The following SYPL2 variants were observed in gnomAD, a reference collection of about 807,000 sequenced individuals.
SYPL2 encodes the protein synaptophysin-like protein 2.
SYPL2 carries 24 observed loss-of-function variants against 31.3 expected under a neutral mutation model. The observed-to-expected ratio is 0.77, with a 90% CI of 0.56 to 1.08. The LOEUF is 1.08. Ranked by LOEUF, SYPL2 falls within the 50% of genes least tolerant of loss-of-function variation. The pLI is 0.00. For missense variants in SYPL2, 342 were observed against 360.1 expected, an observed-to-expected ratio of 0.95 and a Z score of 0.41; for synonymous variants, 144 against 143.1, an observed-to-expected ratio of 1.01 and a Z score of -0.05.
rs1656131921 is a variant in SYPL2, at chr1:109,480,499, G to A, written c.*951G>A. 1 of 152,246 alleles carries A rather than the reference G, an allele frequency of 6.6e-6. No homozygotes were observed. Among genetic ancestry groups the A allele is most frequent in the African/African-American group, 2.4e-5 (1 of 41,406 alleles). 9.4% of individuals were successfully genotyped at this position (152,246 alleles called of 1,614,324 possible). ...ATCTGAGGCATTTGAGATCCTTTTT[G>A]AAGTCTGTCCAGGCCTTCCTTTTAT... On this transcript the variant is annotated 3_prime_UTR_variant, in exon 6 of 6. Coordinates refer to ENST00000369872, the MANE Select transcript of SYPL2 (RefSeq NM_001040709.2).
intron 2 of SYPL2, among the ~76,000 whole-genome samples, chr1:109,473,713 A>G (rs1239051370): frequency 6.6e-6 from 1 of 152,154 alleles, no homozygotes; most frequent in Non-Finnish European, 1.5e-5. Context: ...TAACACGGTG[A>G]AAACCCGTCT....
At chr1:109,473,127 G>GAGGAAT (rs1655883576) in intron 2 of SYPL2, among the ~76,000 whole-genome samples, 1 of 152,156 alleles carries the variant, frequency 6.6e-6, no homozygotes. Context: ...CTATGAGGAA[G>GAGGAAT]AGTTAGAGAA....
At position 109,479,398 on chromosome 1, in the gene SYPL2, C is replaced by T. The variant is rs1656097900; in HGVS notation, c.669C>T (p.Phe223=). ...NISVLFGFIN[F]FLWAGNCWFV... ...TGCAGCTCTTTGGCTTTATCAACTT[C>T]TTCCTGTGGGCCGGGAACTGTTGGT... Residue 223 remains phenylalanine, a synonymous_variant, in exon 6 of 6, where the codon TTC becomes TTT. Transcript: ENST00000369872. The T allele has an allele frequency of 6.2e-7, 1 of 1,614,042 alleles. No individual in the cohort carries two copies. Among genetic ancestry groups the T allele is most frequent in the African/African-American group, 1.3e-5 (1 of 74,932 alleles).
chr1:109,479,476 C>T lies in SYPL2; in HGVS notation c.747C>T (p.Asp249=), dbSNP rs1478902816. ...GACAGGGCCAGGGCCAGGACCAGGA[C>T]CAGGACCAGGACCAGGGCCAGGGTC... is the stretch of plus-strand genomic sequence containing the variant. The part of the protein sequence containing the change: ...WHGQGQGQDQ[D]QDQDQGQGPS... Residue 249 remains aspartate, a synonymous_variant, in exon 6 of 6, where the codon GAC becomes GAT. Coordinates refer to ENST00000369872, the MANE Select transcript of SYPL2 (RefSeq NM_001040709.2). The T allele has an allele frequency of 1.2e-6, 2 of 1,613,968 alleles. No homozygotes were observed. The highest frequency in any genetic ancestry group is 1.7e-6 in the Non-Finnish European group (2 of 1,180,014).
In SYPL2 at chr1:109,475,623, G is replaced by A. The variant is rs779303619; in HGVS notation, c.172G>A (p.Gly58Arg). The A allele has an allele frequency of 1.1e-5, 18 of 1,614,072 alleles. No individual in the cohort carries two copies. The highest frequency in any genetic ancestry group is 1.6e-4 in the Middle Eastern group (1 of 6,062). ...FAFGSCGSYS[G>R]ETGAMVRCNN... ...CTTCGGGTCCTGTGGCTCCTACAGC[G>A]GGGAGACAGGAGCAATGGTTCGCTG... The change falls in exon 3 of 6, where the codon GGG becomes AGG. Residue 58 changes from glycine to arginine, a missense_variant. Transcript: ENST00000369872.
chr1:109,479,237 G>C lies in SYPL2; in HGVS notation c.649-141G>C, dbSNP rs561050029. The C allele has an allele frequency of 1.2e-5, 11 of 902,216 alleles. No individual in the cohort carries two copies. The South Asian group carries it at 1.4e-4, about 12-fold the overall frequency. 55.9% of individuals were successfully genotyped at this position (902,216 alleles called of 1,614,324 possible). A position where few individuals can be genotyped will look rare whatever the true frequency, so the allele number is the denominator to read the frequency against. On this transcript the variant is annotated intron_variant, in intron 5 of 5. Coordinates refer to ENST00000369872, the MANE Select transcript of SYPL2 (RefSeq NM_001040709.2). ...TGGTCCTGAGCCCTGCCTCTATACC[G>C]AGCTCTCTGTCTTAGTCTTTCTAGT...
chr1:109,473,360 T>C (rs1316087616), intron 2 of SYPL2, among the ~76,000 whole-genome samples: 2 of 152,190 alleles, frequency 1.3e-5, no homozygotes, highest in Non-Finnish European at 2.9e-5. Flanking sequence ...CTCATTTGTC[T>C]GGAATAAACC....
intron 2 of SYPL2, among the ~76,000 whole-genome samples, chr1:109,472,605 C>CTTTTTTTTTTTTTTTT (rs59224604): frequency 7.0e-5 from 5 of 71,086 alleles, no homozygotes; most frequent in Admixed American, 2.0e-4. Context: ...TTTTTCTTTA[C>CTTTTTTTTTTTTTTTT]TTTTTTTTTT....
Position 109,476,763 on chromosome 1 carries a change from C to T in SYPL2, c.255-13C>T, listed in dbSNP as rs914899367. 10 of 1,613,096 alleles carry T rather than the reference C, an allele frequency of 6.2e-6. No individual in the cohort carries two copies. The African/African-American group carries it at 9.3e-5, about 15-fold the overall frequency. On this transcript the variant is annotated splice_polypyrimidine_tract_variant and intron_variant, in intron 3 of 5. Transcript: ENST00000369872. Reference sequence around the variant, plus strand: ...TTGCCTGAGCTCAGGATGGCCTCCCCTGCCACCTGCAGGTTGCACCGGATC... The same window carrying T: ...TTGCCTGAGCTCAGGATGGCCTCCCTTGCCACCTGCAGGTTGCACCGGATC...
At position 109,480,605 on chromosome 1, in the gene SYPL2, G is replaced by A. The variant is rs1656134655; in HGVS notation, c.*1057G>A. 6.6e-6 allele frequency: 1 copy of A among 152,594 alleles called. No individual in the cohort carries two copies. Among genetic ancestry groups the A allele is most frequent in the Non-Finnish European group, 1.5e-5 (1 of 68,076 alleles). The allele number at this position is 152,594 out of a possible 1,614,324, so 9.5% of individuals were successfully genotyped here. Reference sequence around the variant, plus strand: ...GTTGCCCCAGAGCCCCAGGATGGATGGGCCCATTTTTTCCTTATTCCCTGC... The same window carrying A: ...GTTGCCCCAGAGCCCCAGGATGGATAGGCCCATTTTTTCCTTATTCCCTGC... On this transcript the variant is annotated 3_prime_UTR_variant, in exon 6 of 6. Transcript: ENST00000369872.
At position 109,476,862 on chromosome 1, in the gene SYPL2, C is replaced by A; in HGVS notation, c.341C>A (p.Pro114His). Residue 114 changes from proline to histidine, a missense_variant, in exon 4 of 6, where the codon CCC becomes CAC. Physicochemically the swap from Pro to His is moderately conservative, Grantham distance 77. Transcript: ENST00000369872. ...TMHLMGDFSA[P>H]AEFFVTLGIF... ...CACCTCATGGGGGACTTCTCTGCAC[C>A]CGCCGAGTTCTTCGTGACCCTTGGC... 6.2e-7 allele frequency: 1 copy of A among 1,614,208 alleles called. No individual in the cohort carries two copies. The highest frequency in any genetic ancestry group is 8.5e-7 in the Non-Finnish European group (1 of 1,180,034).
Position 109,466,860 on chromosome 1 carries a change from G to A in SYPL2, c.17G>A (p.Ser6Asn), listed in dbSNP as rs1184939310. 4 of 1,528,770 alleles carry A rather than the reference G, an allele frequency of 2.6e-6. No individual in the cohort carries two copies. Among genetic ancestry groups the A allele is most frequent in the Non-Finnish European group, 3.5e-6 (4 of 1,143,786 alleles). 94.7% of individuals were successfully genotyped at this position (1,528,770 alleles called of 1,614,324 possible). A position where few individuals can be genotyped will look rare whatever the true frequency, so the allele number is the denominator to read the frequency against. The part of the protein sequence containing the change: MSSTE[S>N]AGRTADKSPR... ...CGCGCCAGCATGTCCTCGACCGAGA[G>A]CGCCGGCCGCACGGCGGACAAGTCG... is the stretch of plus-strand genomic sequence containing the variant. Residue 6 changes from serine to asparagine, a missense_variant, in exon 1 of 6, where the codon AGC becomes AAC. Transcript: ENST00000369872.
At chr1:109,477,078 C>G in intron 4 of SYPL2, 101 bp downstream of exon 4, 1 of 1,412,158 alleles carries the variant, frequency 7.1e-7, no homozygotes, top group Non-Finnish European at 9.8e-7. Flanking sequence ...CGGCTTCCAC[C>G]CCCATGGTGG....
chr1:109,468,151 T>C (rs1655710972), intron 2 of SYPL2, among the ~76,000 whole-genome samples: 1 of 152,184 alleles, frequency 6.6e-6, no homozygotes, highest in South Asian at 2.1e-4. Flanking sequence ...TAAAGACTTG[T>C]AGGGGGCATT....
chr1:109,467,186 G>C, intron 2 of SYPL2, 53 bp downstream of exon 2: 2 of 1,460,118 alleles, frequency 1.4e-6, no homozygotes, highest in South Asian at 2.5e-5. Flanking sequence ...CTGTGACGCT[G>C]ACCTGAAGCA....
In SYPL2 at chr1:109,476,636, C is replaced by G; in HGVS notation, c.255-140C>G. 3 of 808,824 alleles carry G rather than the reference C, an allele frequency of 3.7e-6. No individual in the cohort carries two copies. The South Asian group carries it at 5.4e-5, about 15-fold the overall frequency. 50.1% of individuals were successfully genotyped at this position (808,824 alleles called of 1,614,324 possible). On this transcript the variant is annotated intron_variant, in intron 3 of 5. Transcript: ENST00000369872. ...AGTTCCCATCTTAACTGCAAGGTTC[C>G]TTCCAGAAACTTGCCTCCTTACATG...
rs1231745939 is a variant in SYPL2 at position 109,466,759 on chromosome 1, C to A, written c.-85C>A. The stretch of plus-strand genomic sequence containing the variant: ...GCTCGCCTGCTCTGCCCCGGACCTG[C>A]AGCTCCCCGCTCCCCCGCCGTGTCC... On this transcript the variant is annotated 5_prime_UTR_variant, in exon 1 of 6. Transcript: ENST00000369872. 7.2e-7 allele frequency: 1 copy of A among 1,392,950 alleles called. No individual in the cohort carries two copies. Among genetic ancestry groups the A allele is most frequent in the South Asian group, 1.5e-5 (1 of 67,496 alleles). The allele number at this position is 1,392,950 out of a possible 1,614,324, so 86.3% of individuals were successfully genotyped here. A position where few individuals can be genotyped will look rare whatever the true frequency, so the allele number is the denominator to read the frequency against.
intron 2 of SYPL2, among the ~76,000 whole-genome samples, chr1:109,468,338 A>G (rs1363706488): frequency 5.3e-5 from 8 of 152,224 alleles, no homozygotes; most frequent in African/African-American, 1.9e-4. Context: ...CTGTGACACC[A>G]GTTCTTAAAT....
In SYPL2 at chr1:109,475,699, C is replaced by T. The variant is rs761554803; in HGVS notation, c.248C>T (p.Pro83Leu). Residue 83 changes from proline (P) to leucine (L), a missense_variant, in exon 3 of 6, where the codon CCC becomes CTC. Transcript: ENST00000369872. ...TCCATCATCGTTGCATTTGGCTATC[C>T]CTTCAGGTGAGCAAGAATTGGTTCC... ...VSSIIVAFGY[P>L]FRLHRIQYEM... is the part of the protein sequence containing the mutation. 2 of 1,613,266 alleles carry T rather than the reference C, an allele frequency of 1.2e-6. No individual in the cohort carries two copies. The highest frequency in any genetic ancestry group is 1.7e-6 in the Non-Finnish European group (2 of 1,179,340).
Sources: allele counts gnomAD v4.1 joint callset (sites outside exome capture counted in the v4.1 genomes callset), GRCh38; gene constraint gnomAD v4.1.1; transcripts MANE v1.5; gene names NCBI Gene and HGNC (gene_info 2026-07-23, HGNC 2026-07-21).